PPP2R2D: variants seen among roughly 807,000 people sequenced by gnomAD.
The protein encoded by PPP2R2D is protein phosphatase 2 regulatory subunit Bdelta.
PPP2R2D carries 9 observed loss-of-function variants against 31.1 expected under a neutral mutation model. The ratio of observed to expected loss-of-function variants is 0.29; its 90% CI spans 0.17 to 0.51. The LOEUF is 0.51. Among genes scored for constraint, PPP2R2D ranks in the 20% least tolerant of loss-of-function variants. The probability of loss-of-function intolerance (pLI) is 0.98; values close to 1 mark genes in which losing one functional copy is unlikely to be tolerated. For missense variants in PPP2R2D, 391 were observed against 465.6 expected (o/e 0.84, Z 1.48); for synonymous variants, 179 against 172.6 (o/e 1.04, Z -0.29).
At chr10:131,907,088 A>T (rs1161125809) in intron 2 of PPP2R2D, among the ~76,000 whole-genome samples, 2 of 152,098 alleles carry the variant, frequency 1.3e-5, no homozygotes, top group African/African-American at 4.8e-5. Context: ...ATGTGGGGAA[A>T]TGTACTTAGA....
intron 2 of PPP2R2D, among the ~76,000 whole-genome samples, chr10:131,924,340 T>C (rs1345570594): frequency 6.6e-5 from 10 of 152,170 alleles, no homozygotes; most frequent in African/African-American, 2.4e-4. Flanking sequence ...GTTAATTACA[T>C]TTATATATAA....
intron 2 of PPP2R2D, among the ~76,000 whole-genome samples, chr10:131,924,414 G>A (rs1014802760): frequency 6.6e-6 from 1 of 152,054 alleles, no homozygotes; most frequent in South Asian, 2.1e-4. Context: ...AGATGTCCTG[G>A]CATCATTGTT....
At chr10:131,933,406 G>A (rs1283396054) in intron 2 of PPP2R2D, among the ~76,000 whole-genome samples, 10 of 152,058 alleles carry the variant, frequency 6.6e-5, no homozygotes, top group Middle Eastern at 3.2e-3. Flanking sequence ...TAAACGTACC[G>A]TGGGCCCTGG....
rs1283904859 is a variant in PPP2R2D, at chr10:131,947,969, G to A, written c.1082+178G>A. 6.6e-6 allele frequency among the ~76,000 whole-genome samples: 1 copy of A among 152,232 alleles called. No homozygotes were observed. Among genetic ancestry groups the A allele is most frequent in the African/African-American group, 2.4e-5 (1 of 41,462 alleles). ...AAGGTAGAGAAAATAGGATCTCTGAGCAAGTTTCTCACCTAGCTTGTCATT... is the reference window on the plus strand; with the variant it reads ...AAGGTAGAGAAAATAGGATCTCTGAACAAGTTTCTCACCTAGCTTGTCATT... On this transcript the variant is annotated intron_variant, in intron 8 of 8. Transcript: ENST00000455566. The surrounding 1 kb of genome is among the most constrained non-coding windows in gnomAD (Gnocchi z 4.3).
rs782420531 is a variant in PPP2R2D, at chr10:131,945,496, G to A, written c.820+37G>A. ...TGTTGTTGAGATGGAGTCTGGCTCT[G>A]TCACCCAGGCTGCGGTGCAGTGACA... On this transcript the variant is annotated intron_variant, in intron 7 of 8. Transcript: ENST00000455566. This position sits in a 1 kb window ranked among gnomAD's most constrained non-coding sequence, Gnocchi z 4.8. 2.6e-6 allele frequency: 4 copies of A among 1,566,404 alleles called. No individual in the cohort carries two copies. The East Asian group carries it at 9.2e-5, about 36-fold the overall frequency.
In PPP2R2D at chr10:131,956,426, G is replaced by C; in HGVS notation, c.*463G>C. 1 of 985,710 alleles carries C rather than the reference G, an allele frequency of 1.0e-6. No homozygotes were observed. The highest frequency in any genetic ancestry group is 4.7e-5 in the South Asian group (1 of 21,290). 61.1% of individuals were successfully genotyped at this position (985,710 alleles called of 1,614,324 possible). A position where few individuals can be genotyped will look rare whatever the true frequency, so the allele number is the denominator to read the frequency against. The stretch of plus-strand genomic sequence containing the variant: ...CTTCCTCCGAGTCCAGGTGGACTCT[G>C]TGGATGTGTGGATGTGGCCCGAGCA... On this transcript the variant is annotated 3_prime_UTR_variant, in exon 9 of 9. Coordinates refer to ENST00000455566, the MANE Select transcript of PPP2R2D (RefSeq NM_018461.5).
At chr10:131,970,385 G>T in the PPP2R2D span, 1 of 558,286 alleles carries the variant, frequency 1.8e-6, no homozygotes. The surrounding 1 kb of genome is among the most constrained non-coding windows in gnomAD (Gnocchi z 4.1). Context: ...CTTTGACTCC[G>T]TTTATATTCA....
intron 3 of PPP2R2D, among the ~76,000 whole-genome samples, chr10:131,936,241 G>A (rs1326910097): frequency 1.3e-5 from 2 of 151,638 alleles, no homozygotes; most frequent in African/African-American, 4.8e-5. Context: ...TCTGTCTCCC[G>A]GGTTTAAGTG....
At position 131,903,466 on chromosome 10, in the gene PPP2R2D, CAAAA is replaced by C. The variant is rs1175160035; in HGVS notation, c.100+2157_100+2160del. Among the ~76,000 whole-genome samples, 386 of 74,416 alleles carry C rather than the reference CAAAA, an allele frequency of 5.2e-3. 1 individual carries two copies. The highest frequency in any genetic ancestry group is 0.017 in the African/African-American group (323 of 19,468). 48.8% of individuals were successfully genotyped at this position (74,416 alleles called of 152,430 possible). On this transcript the variant is annotated intron_variant, in intron 2 of 8. Coordinates refer to ENST00000455566, the MANE Select transcript of PPP2R2D (RefSeq NM_018461.5). ...TGGACAATAGAACAAGGCTCCATCTCAAAAAAAAAAAAAAAAAAAAAAAATCTTG... is the reference window on the plus strand; with the variant it reads ...TGGACAATAGAACAAGGCTCCATCTCAAAAAAAAAAAAAAAAAAAATCTTG...
chr10:131,954,601 T>G (rs2036758280), intron 8 of PPP2R2D, among the ~76,000 whole-genome samples: 1 of 151,340 alleles, frequency 6.6e-6, no homozygotes, highest in African/African-American at 2.4e-5. Context: ...CATGGATCGC[T>G]GAATGCAGTT....
intron 2 of PPP2R2D, among the ~76,000 whole-genome samples, chr10:131,933,386 C>G (rs1554895986): frequency 6.6e-6 from 1 of 152,184 alleles, no homozygotes; most frequent in Non-Finnish European, 1.5e-5. Flanking sequence ...TGTTTTTTTA[C>G]TTCCTACTAT....
rs1266971729 is a variant in PPP2R2D, at chr10:131,906,207, A to G, written c.100+4877A>G. ...TTTATATATTACACTAATTGCTCCT[A>G]TGGAGAAACCGTGGGGAGGGGTTGG... On this transcript the variant is annotated intron_variant, in intron 2 of 8. Coordinates refer to ENST00000455566, the MANE Select transcript of PPP2R2D (RefSeq NM_018461.5). Among the ~76,000 whole-genome samples the G allele has an allele frequency of 6.6e-5, 10 of 152,258 alleles. No homozygotes were observed. In the East Asian group the frequency reaches 7.7e-4, roughly 12 times the overall value.
At chr10:131,952,818 G>A (rs1364257567) in intron 8 of PPP2R2D, among the ~76,000 whole-genome samples, 4 of 90,316 alleles carry the variant, frequency 4.4e-5, no homozygotes, top group African/African-American at 4.9e-5. Context: ...AGTGACTTGC[G>A]GGTGTGTGTG....
In PPP2R2D at chr10:131,947,827, C is replaced by G; in HGVS notation, c.1082+36C>G. 6.2e-7 allele frequency: 1 copy of G among 1,600,060 alleles called. No individual in the cohort carries two copies. Among genetic ancestry groups the G allele is most frequent in the Non-Finnish European group, 8.5e-7 (1 of 1,169,702 alleles). ...CGTGGAGATGAGCTGTCGCCCCAAG[C>G]TTGCTGGTTTCCGAGAGTGCAAGGT... is the stretch of plus-strand genomic sequence containing the variant. On this transcript the variant is annotated intron_variant, in intron 8 of 8. Coordinates refer to ENST00000455566, the MANE Select transcript of PPP2R2D (RefSeq NM_018461.5). The surrounding 1 kb of genome is among the most constrained non-coding windows in gnomAD (Gnocchi z 4.3).
At chr10:131,960,053 C>T (rs751062650), downstream of PPP2R2D, among the ~76,000 whole-genome samples, 76 of 152,182 alleles carry the variant, frequency 5.0e-4, no homozygotes, top group Non-Finnish European at 1.0e-3. Flanking sequence ...AGCTCTGGGG[C>T]GCCTGCGGGG....
intron 2 of PPP2R2D, among the ~76,000 whole-genome samples, chr10:131,916,476 C>T (rs976200536): frequency 6.6e-6 from 1 of 152,198 alleles, no homozygotes; most frequent in Non-Finnish European, 1.5e-5. Flanking sequence ...TCACCACTAC[C>T]TGTTCCCAAA....
chr10:131,954,122 C>A (rs895232519), intron 8 of PPP2R2D, among the ~76,000 whole-genome samples: 1 of 152,238 alleles, frequency 6.6e-6, no homozygotes, highest in Non-Finnish European at 1.5e-5. Context: ...GTGCTGTTCC[C>A]TTCCTGGGCC....
intron 2 of PPP2R2D, among the ~76,000 whole-genome samples, chr10:131,912,912 A>C (rs2035707202): frequency 6.6e-6 from 1 of 152,232 alleles, no homozygotes; most frequent in Non-Finnish European, 1.5e-5. Context: ...ACACGGTGTC[A>C]GAGGCTGTGC....
chr10:131,909,294 CTGAGTGATTG>C, intron 2 of PPP2R2D, among the ~76,000 whole-genome samples: 1 of 152,270 alleles, frequency 6.6e-6, no homozygotes, highest in South Asian at 2.1e-4. Flanking sequence ...GCTCAGGACT[CTGAGTGATTG>C]TGAGCTTTTC....
Sources: allele counts gnomAD v4.1 joint callset (sites outside exome capture counted in the v4.1 genomes callset), GRCh38; gene constraint gnomAD v4.1.1; non-coding constraint Gnocchi (gnomAD v3.1); transcripts MANE v1.5; gene names NCBI Gene and HGNC (gene_info 2026-07-23, HGNC 2026-07-21).